The following DLG2 variants were observed in gnomAD, a reference collection of about 807,000 sequenced individuals.
DLG2 encodes the protein discs large MAGUK scaffold protein 2, also known as disks large homolog 2.
A neutral mutation model predicts 132.5 loss-of-function variants in DLG2; 45 were observed. The ratio of observed to expected loss-of-function variants is 0.34; its 90% CI spans 0.27 to 0.44. The LOEUF is 0.44. Among genes scored for constraint, DLG2 ranks in the 20% least tolerant of loss-of-function variants. The probability of loss-of-function intolerance (pLI) is 1.00; values close to 1 mark genes in which losing one functional copy is unlikely to be tolerated. For missense variants in DLG2, 1,045 were observed against 1,196.9 expected (o/e 0.87, Z 1.87); for synonymous variants, 424 against 419.6 (o/e 1.01, Z -0.13).
intron 6 of DLG2, among the ~76,000 whole-genome samples, chr11:84,996,367 C>G (rs1026151372): frequency 6.6e-6 from 1 of 152,000 alleles, no homozygotes; most frequent in East Asian, 1.9e-4. Context: ...ATCTATGTCT[C>G]TTAACTTCTC....
intron 6 of DLG2, among the ~76,000 whole-genome samples, chr11:85,095,056 C>A (rs2069493877): frequency 6.6e-6 from 1 of 152,128 alleles, no homozygotes; most frequent in Non-Finnish European, 1.5e-5. Context: ...AGGGGAATGG[C>A]CACTTGGTGG....
intron 3 of DLG2, among the ~76,000 whole-genome samples, chr11:85,454,333 A>G (rs914290654): frequency 3.3e-5 from 5 of 151,578 alleles, no homozygotes; most frequent in Non-Finnish European, 7.4e-5. Flanking sequence ...GACCACATGT[A>G]TGTCTTTTGA....
intron 7 of DLG2, among the ~76,000 whole-genome samples, chr11:84,278,047 G>GTTTTTTTTT (rs55650627): frequency 1.0e-5 from 1 of 99,608 alleles, no homozygotes. Context: ...GCCTGGCTAA[G>GTTTTTTTTT]TTTTTTTTTT....
chr11:85,588,413 C>A (rs368571796), intron 3 of DLG2, among the ~76,000 whole-genome samples: 4 of 151,944 alleles, frequency 2.6e-5, no homozygotes, highest in Admixed American at 2.0e-4. Context: ...TAGGTTACTT[C>A]GAAAGCCTTG....
chr11:83,704,632 C>T (rs1337649609), intron 18 of DLG2, among the ~76,000 whole-genome samples: 1 of 137,120 alleles, frequency 7.3e-6, no homozygotes, highest in African/African-American at 2.8e-5. Context: ...GCCTGGCCAA[C>T]GTGGTGAAAC....
intron 11 of DLG2, among the ~76,000 whole-genome samples, chr11:84,015,640 G>A (rs923061231): frequency 2.6e-5 from 4 of 152,054 alleles, no homozygotes; most frequent in African/African-American, 9.7e-5. Flanking sequence ...GTGGTATTTG[G>A]TTTTCTGTTC....
intron 3 of DLG2, among the ~76,000 whole-genome samples, chr11:85,378,270 T>C (rs1479682700): frequency 6.6e-6 from 1 of 152,150 alleles, no homozygotes; most frequent in Non-Finnish European, 1.5e-5. Flanking sequence ...GCAATACTAC[T>C]GTGAATTTTT....
chr11:85,366,188 T>C (rs1050389132), intron 3 of DLG2, among the ~76,000 whole-genome samples: 2 of 152,210 alleles, frequency 1.3e-5, no homozygotes, highest in African/African-American at 4.8e-5. Context: ...TTTGGAGGTA[T>C]GGAGAATATG....
intron 3 of DLG2, among the ~76,000 whole-genome samples, chr11:85,496,077 G>A (rs1057229957): frequency 4.6e-5 from 7 of 152,176 alleles, no homozygotes; most frequent in Non-Finnish European, 7.4e-5. Flanking sequence ...CACAGAGGGC[G>A]AGCCAAAGCA....
At chr11:85,407,005 G>A (rs535167754) in intron 3 of DLG2, among the ~76,000 whole-genome samples, 6 of 152,002 alleles carry the variant, frequency 3.9e-5, no homozygotes, top group African/African-American at 1.4e-4. Context: ...TGGAGATATT[G>A]GAGGAAGAAT....
intron 7 of DLG2, among the ~76,000 whole-genome samples, chr11:84,481,187 C>A (rs1159096541): frequency 6.6e-6 from 1 of 152,140 alleles, no homozygotes; most frequent in Non-Finnish European, 1.5e-5. Flanking sequence ...TTTTGTCTAT[C>A]ATATGGATGT....
At chr11:84,872,141 C>A (rs2085565684) in intron 6 of DLG2, among the ~76,000 whole-genome samples, 4 of 152,110 alleles carry the variant, frequency 2.6e-5, no homozygotes, top group Admixed American at 2.6e-4. Context: ...TTGGAGTGCA[C>A]TTTATGCTGG....
At chr11:83,893,336 T>C (rs544650409) in intron 15 of DLG2, among the ~76,000 whole-genome samples, 21 of 152,214 alleles carry the variant, frequency 1.4e-4, no homozygotes, top group South Asian at 4.1e-4. Context: ...CACAGTCCCT[T>C]TGAGGGATAT....
intron 16 of DLG2, among the ~76,000 whole-genome samples, chr11:83,841,093 T>C (rs2057422830): frequency 1.3e-5 from 2 of 152,198 alleles, no homozygotes; most frequent in Admixed American, 1.3e-4. Flanking sequence ...TAGCCCACAT[T>C]TCTAAGAACT....
intron 6 of DLG2, among the ~76,000 whole-genome samples, chr11:85,109,151 A>G (rs759241899): frequency 6.6e-6 from 1 of 152,084 alleles, no homozygotes; most frequent in Non-Finnish European, 1.5e-5. Flanking sequence ...TAATCTAAAC[A>G]TGACCATCGG....
intron 3 of DLG2, among the ~76,000 whole-genome samples, chr11:85,485,078 C>A: frequency 6.6e-6 from 1 of 152,036 alleles, no homozygotes; most frequent in Non-Finnish European, 1.5e-5. Context: ...TGGAAACCAT[C>A]ATTCTCAGCA....
At chr11:83,698,618 G>T (rs192652281) in intron 18 of DLG2, among the ~76,000 whole-genome samples, 1 of 152,270 alleles carries the variant, frequency 6.6e-6, no homozygotes, top group African/African-American at 2.4e-5. Flanking sequence ...CTGATCCTCA[G>T]TATACACATC....
chr11:83,589,409 G>T (rs1171950940), intron 19 of DLG2, among the ~76,000 whole-genome samples: 2 of 149,818 alleles, frequency 1.3e-5, no homozygotes, highest in Non-Finnish European at 3.0e-5. Context: ...AAGTGAAGGA[G>T]AAATAAAATA....
chr11:84,890,173 T>C (rs56994799), intron 6 of DLG2, among the ~76,000 whole-genome samples: 14,439 of 152,208 alleles, frequency 0.095, 888 homozygotes, highest in African/African-American at 0.18. Context: ...AAAGGATTGA[T>C]TGAATTATTG....
Sources: gnomAD v4.1 joint callset for allele counts (sites outside exome capture counted in the v4.1 genomes callset) on GRCh38, gnomAD v4.1.1 for gene constraint, MANE v1.5 for transcripts, NCBI Gene and HGNC (gene_info 2026-07-23, HGNC 2026-07-21) for gene names.